The following FRMPD1 variants were observed in gnomAD, a reference collection of about 807,000 sequenced individuals.
FRMPD1 encodes FERM and PDZ domain-containing protein 1.
In FRMPD1, 76 loss-of-function variants were observed where a neutral mutation model predicts 117.8. The ratio of observed to expected loss-of-function variants is 0.65; its 90% CI spans 0.54 to 0.78. The LOEUF (loss-of-function observed/expected upper bound fraction) is 0.78, where lower values mean the gene tolerates loss of function less well. Among genes scored for constraint, FRMPD1 ranks in the 30% least tolerant of loss-of-function variants. The pLI, the probability that FRMPD1 is intolerant of heterozygous loss-of-function variation, is 0.00. For missense variants in FRMPD1, 1,786 were observed against 1,964.5 expected (o/e 0.91, Z 1.72); for synonymous variants, 783 against 770.4 (o/e 1.02, Z -0.27).
the FRMPD1 span, among the ~76,000 whole-genome samples, chr9:37,618,538 A>G: frequency 2.6e-5 from 4 of 152,202 alleles, no homozygotes; most frequent in African/African-American, 7.2e-5. Context: ...CCCCAAAATG[A>G]GAAGCATTTT....
At chr9:37,715,743 G>A (rs942938322) in intron 5 of FRMPD1, 24 of 455,898 alleles carry the variant, frequency 5.3e-5, no homozygotes, top group African/African-American at 4.4e-4. Context: ...CAGAGCTGAT[G>A]TTCAGGTATA....
intron 5 of FRMPD1, among the ~76,000 whole-genome samples, chr9:37,713,398 C>T (rs1822982942): frequency 6.6e-6 from 1 of 152,002 alleles, no homozygotes; most frequent in African/African-American, 2.4e-5. Context: ...ATAGCTTGAG[C>T]TGAGGAGTTC....
rs1215662492 is a variant in FRMPD1 at position 37,745,412 on chromosome 9, A to T, written c.3380A>T (p.Glu1127Val). ...TNKNGTNVFQ[E>V]ESRKDSGDSP... ...AAAAATGGCACCAACGTATTTCAGG[A>T]GGAGTCTAGGAAGGATTCAGGTGAC... Residue 1127 changes from glutamate (E) to valine (V), a missense_variant, in exon 16 of 16, where the codon GAG becomes GTG. Transcript: ENST00000377765. 1 of 1,614,122 alleles carries T rather than the reference A, an allele frequency of 6.2e-7. No individual in the cohort carries two copies. The highest frequency in any genetic ancestry group is 8.5e-7 in the Non-Finnish European group (1 of 1,179,950).
At chr9:37,638,010 TTCTTTCTTTCTTTCTC>T in the FRMPD1 span, among the ~76,000 whole-genome samples, 1 of 124,324 alleles carries the variant, frequency 8.0e-6, no homozygotes, top group Non-Finnish European at 1.7e-5. Context: ...CTTTCTTTCT[TTCTTTCTTTCTTTCTC>T]TCTCTTTCTT....
At chr9:37,708,577 A>G in intron 4 of FRMPD1, 76 bp downstream of exon 4, 2 of 861,560 alleles carry the variant, frequency 2.3e-6, no homozygotes, top group South Asian at 1.4e-5. Flanking sequence ...GGAATGGCAT[A>G]ACTGATCCCC....
chr9:37,699,386 C>T (rs868195828), intron 2 of FRMPD1, among the ~76,000 whole-genome samples: 7 of 142,692 alleles, frequency 4.9e-5, no homozygotes, highest in African/African-American at 1.8e-4. Flanking sequence ...GTGTTGTGAT[C>T]TTGGCTCACT....
chr9:37,662,525 C>G (rs1213938441), intron 1 of FRMPD1, among the ~76,000 whole-genome samples: 1 of 152,198 alleles, frequency 6.6e-6, no homozygotes, highest in Non-Finnish European at 1.5e-5. Context: ...GTAGGGAATA[C>G]AGGGCTGAGG....
At chr9:37,717,175 C>T (rs912509790) in intron 5 of FRMPD1, among the ~76,000 whole-genome samples, 9 of 151,960 alleles carry the variant, frequency 5.9e-5, no homozygotes, top group African/African-American at 2.2e-4. Flanking sequence ...ATGGACTTCT[C>T]TCTTCAAAGG....
chr9:37,738,220 C>A (rs746020527), intron 14 of FRMPD1, among the ~76,000 whole-genome samples: 19 of 152,234 alleles, frequency 1.2e-4, no homozygotes, highest in Non-Finnish European at 1.9e-4. Context: ...ATCAATAGCA[C>A]ACCACTGTAG....
intron 1 of FRMPD1, chr9:37,670,126 A>G (rs934563107): frequency 6.6e-6 from 1 of 152,228 alleles, no homozygotes; most frequent in Non-Finnish European, 1.5e-5. Context: ...CTCTAAGCAC[A>G]CTGATAAATT....
chr9:37,639,853 G>A, the FRMPD1 span, among the ~76,000 whole-genome samples: 7 of 152,208 alleles, frequency 4.6e-5, no homozygotes, highest in South Asian at 2.1e-4. Flanking sequence ...TAGAGACTGC[G>A]TTTTGCCATG....
intron 2 of FRMPD1, among the ~76,000 whole-genome samples, chr9:37,697,431 G>T (rs995292003): frequency 6.6e-6 from 1 of 152,040 alleles, no homozygotes; most frequent in African/African-American, 2.4e-5. Context: ...GCCGGGCGTG[G>T]TGGCAGGCGC....
the FRMPD1 span, among the ~76,000 whole-genome samples, chr9:37,625,096 A>G: frequency 2.0e-5 from 3 of 152,230 alleles, no homozygotes; most frequent in African/African-American, 7.2e-5. Context: ...GCTTTGACTA[A>G]GTATCCCAAG....
the FRMPD1 span, among the ~76,000 whole-genome samples, chr9:37,634,454 C>A: frequency 1.5e-4 from 23 of 152,242 alleles, 1 homozygote; most frequent in South Asian, 1.4e-3. Flanking sequence ...ATGTGATGTA[C>A]CTATCAACAT....
chr9:37,640,216 C>T, the FRMPD1 span, among the ~76,000 whole-genome samples: 1 of 152,088 alleles, frequency 6.6e-6, no homozygotes, highest in East Asian at 1.9e-4. Context: ...CAAGGTGGTG[C>T]GTGTTAAGGG....
At chr9:37,657,190 T>A (rs1326535338) in intron 1 of FRMPD1, among the ~76,000 whole-genome samples, 2 of 152,232 alleles carry the variant, frequency 1.3e-5, no homozygotes, top group African/African-American at 4.8e-5. Context: ...TCCTGTTCTT[T>A]GAGTATCTAG....
chr9:37,642,569 T>A, the FRMPD1 span, among the ~76,000 whole-genome samples: 2 of 152,204 alleles, frequency 1.3e-5, no homozygotes, highest in Non-Finnish European at 2.9e-5. Flanking sequence ...CTTAGAACAG[T>A]GCCTAACAAA....
intron 7 of FRMPD1, among the ~76,000 whole-genome samples, chr9:37,727,386 A>G (rs12554587): frequency 0.24 from 36,374 of 152,008 alleles, 4,710 homozygotes; most frequent in Non-Finnish European, 0.29. Context: ...GCGCATGGCT[A>G]TATTCCCATA....
Position 37,657,846 on chromosome 9 carries a change from G to A in FRMPD1, c.-5+6752G>A, listed in dbSNP as rs147988261. Among the ~76,000 whole-genome samples the A allele has an allele frequency of 3.3e-3, 499 of 152,080 alleles. 2 individuals carry two copies. The highest frequency in any genetic ancestry group is 5.0e-3 in the Non-Finnish European group (340 of 67,996). ...TCAAGTACAGCCTTTGTGTGGTGCA[G>A]GAATTCCCCTAGCATACCCAGCCTC... On this transcript the variant is annotated intron_variant, in intron 1 of 15. Transcript: ENST00000377765.
Sources: allele counts gnomAD v4.1 joint callset (sites outside exome capture counted in the v4.1 genomes callset), GRCh38; gene constraint gnomAD v4.1.1; transcripts MANE v1.5; gene names NCBI Gene and HGNC (gene_info 2026-07-23, HGNC 2026-07-21).